OXR1: variants seen among roughly 807,000 people sequenced by gnomAD.
OXR1 encodes the protein oxidation resistance 1.
In OXR1, 41 loss-of-function variants were observed where a neutral mutation model predicts 104.6. That is an observed-to-expected ratio of 0.39 (90% CI 0.31 to 0.51). The LOEUF (loss-of-function observed/expected upper bound fraction) is 0.51, where lower values mean the gene tolerates loss of function less well. Ranked by LOEUF, OXR1 falls within the 20% of genes least tolerant of loss-of-function variation. The probability of loss-of-function intolerance (pLI) is 0.77; values close to 1 mark genes in which losing one functional copy is unlikely to be tolerated. For synonymous variants in OXR1, 348 were observed against 348.4 expected (o/e 1.00, Z 0.01); for missense variants, 955 against 1,031.9 (o/e 0.93, Z 1.02).
In OXR1 at chr8:106,395,181, A is replaced by G. The variant is rs186564839; in HGVS notation, c.23+35545A>G. Among the ~76,000 whole-genome samples the G allele has an allele frequency of 1.4e-3, 213 of 152,270 alleles. 2 individuals carry two copies. Among genetic ancestry groups the G allele is most frequent in the African/African-American group, 4.7e-3 (196 of 41,556 alleles). ...TTAGATCATGGGAGCCAGATTTATC[A>G]CTATCAGATAAAAGCTAAAATCACT... On this transcript the variant is annotated intron_variant, in intron 2 of 16. Coordinates refer to ENST00000517566, the MANE Select transcript of OXR1 (RefSeq NM_001198533.2).
intron 3 of OXR1, chr8:106,581,270 G>T: frequency 7.8e-7 from 1 of 1,281,822 alleles, no homozygotes; most frequent in Non-Finnish European, 1.0e-6. Context: ...CTGAAATCAT[G>T]CCTTTCTATT....
intron 2 of OXR1, among the ~76,000 whole-genome samples, chr8:106,446,916 G>T (rs1820033503): frequency 6.6e-6 from 1 of 152,108 alleles, no homozygotes; most frequent in African/African-American, 2.4e-5. Flanking sequence ...ACAGAGCAAG[G>T]CCTTGTCTCA....
At chr8:106,732,408 A>T (rs1833969123) in intron 11 of OXR1, among the ~76,000 whole-genome samples, 1 of 152,106 alleles carries the variant, frequency 6.6e-6, no homozygotes, top group Non-Finnish European at 1.5e-5. Context: ...ATTAGCTAGG[A>T]CTTCCTGCAT....
chr8:106,509,246 C>T (rs1454420394), intron 2 of OXR1, among the ~76,000 whole-genome samples: 1 of 152,168 alleles, frequency 6.6e-6, no homozygotes, highest in Non-Finnish European at 1.5e-5. Flanking sequence ...TTTGGATTTA[C>T]ATAATGTGTT....
chr8:106,523,335 A>G (rs998685619), intron 3 of OXR1, among the ~76,000 whole-genome samples: 4 of 152,118 alleles, frequency 2.6e-5, no homozygotes, highest in Admixed American at 2.0e-4. Context: ...TAAATTCCAG[A>G]CCCTGGAGTT....
At chr8:106,448,098 A>G in intron 2 of OXR1, 1 of 1,528,090 alleles carries the variant, frequency 6.5e-7, no homozygotes, top group Non-Finnish European at 8.8e-7. Context: ...TGTGTTATGA[A>G]GAAAACGTTT....
intron 1 of OXR1, among the ~76,000 whole-genome samples, chr8:106,325,140 A>AT (rs1293253560): frequency 6.6e-6 from 1 of 152,190 alleles, no homozygotes. Context: ...CTTGGGAAGA[A>AT]TTTTTTATTT....
At chr8:106,595,531 CA>C (rs1171114192) in intron 3 of OXR1, among the ~76,000 whole-genome samples, 3 of 91,932 alleles carry the variant, frequency 3.3e-5, no homozygotes, top group Non-Finnish European at 6.0e-5. Context: ...GCCTGGGCGA[CA>C]AGAGTGAAAC....
intron 1 of OXR1, among the ~76,000 whole-genome samples, chr8:106,299,469 G>A (rs16874312): frequency 0.22 from 33,389 of 151,892 alleles, 5,448 homozygotes; most frequent in African/African-American, 0.46. Context: ...AGTATTGGTG[G>A]GTGTTGAATG....
chr8:106,330,150 T>A (rs1814650422), intron 1 of OXR1, among the ~76,000 whole-genome samples: 1 of 152,192 alleles, frequency 6.6e-6, no homozygotes, highest in Admixed American at 6.5e-5. Context: ...CTGAACAGTA[T>A]AAAGTTAGTA....
In OXR1 at chr8:106,710,526, G is replaced by A. The variant is rs903469634; in HGVS notation, c.1625-96G>A. The A allele has an allele frequency of 3.1e-5, 22 of 708,392 alleles. No individual in the cohort carries two copies. The African/African-American group carries it at 4.1e-4, about 13-fold the overall frequency. The allele number at this position is 708,392 out of a possible 1,614,324, so 43.9% of individuals were successfully genotyped here. ...CACCACTAAAGTGAGGTTTTATTCTGTAACTATTTGTCAGAATTTTGAAGG... is the reference window on the plus strand; with the variant it reads ...CACCACTAAAGTGAGGTTTTATTCTATAACTATTTGTCAGAATTTTGAAGG... On this transcript the variant is annotated intron_variant, in intron 9 of 16. Coordinates refer to ENST00000517566, the MANE Select transcript of OXR1 (RefSeq NM_001198533.2).
At chr8:106,740,836 C>T (rs1834861216) in intron 14 of OXR1, among the ~76,000 whole-genome samples, 1 of 152,008 alleles carries the variant, frequency 6.6e-6, no homozygotes, top group Non-Finnish European at 1.5e-5. Flanking sequence ...TTGACAGAAT[C>T]TTGAATAATG....
intron 3 of OXR1, among the ~76,000 whole-genome samples, chr8:106,595,175 A>T (rs528447232): frequency 6.6e-6 from 1 of 152,330 alleles, no homozygotes; most frequent in African/African-American, 2.4e-5. Flanking sequence ...AGAAAGAAGC[A>T]TGCACAGAAC....
chr8:106,572,247 A>T (rs528797604), intron 3 of OXR1, among the ~76,000 whole-genome samples: 1 of 152,112 alleles, frequency 6.6e-6, no homozygotes, highest in African/African-American at 2.4e-5. Flanking sequence ...CATTTTACCT[A>T]GCTTCCATCC....
At chr8:106,477,080 A>G (rs1039357932) in intron 2 of OXR1, among the ~76,000 whole-genome samples, 4 of 151,980 alleles carry the variant, frequency 2.6e-5, no homozygotes, top group African/African-American at 9.7e-5. Context: ...TCTACAGTAC[A>G]TATCAAGCAA....
chr8:106,538,976 C>T lies in OXR1; in HGVS notation c.220+19837C>T, dbSNP rs548602410. On this transcript the variant is annotated intron_variant, in intron 3 of 16. Coordinates refer to ENST00000517566, the MANE Select transcript of OXR1 (RefSeq NM_001198533.2). ...ATTTCAGTGATATTCTATGGCTTGC[C>T]CAAGGTTGCCTACCTGTAAAGGGGT... Among the ~76,000 whole-genome samples the T allele has an allele frequency of 3.9e-5, 6 of 152,172 alleles. No homozygotes were observed. In the South Asian group the frequency reaches 1.2e-3, roughly 32 times the overall value.
intron 3 of OXR1, among the ~76,000 whole-genome samples, chr8:106,538,664 G>A (rs1814726821): frequency 6.6e-6 from 1 of 152,160 alleles, no homozygotes; most frequent in African/African-American, 2.4e-5. Context: ...TTAAATATCT[G>A]TATAGAAAGG....
chr8:106,290,877 C>T (rs1332207599), intron 1 of OXR1, among the ~76,000 whole-genome samples: 8 of 152,152 alleles, frequency 5.3e-5, no homozygotes, highest in Non-Finnish European at 4.4e-5. Context: ...TAGTGGGAAG[C>T]AGTTTGGAGA....
chr8:106,443,311 G>A (rs962092379), intron 2 of OXR1, among the ~76,000 whole-genome samples: 1 of 152,030 alleles, frequency 6.6e-6, no homozygotes, highest in Non-Finnish European at 1.5e-5. Context: ...TTTTGCTGAG[G>A]ATCATTTTAC....
Sources: allele counts gnomAD v4.1 joint callset (sites outside exome capture counted in the v4.1 genomes callset), GRCh38; gene constraint gnomAD v4.1.1; transcripts MANE v1.5; gene names NCBI Gene and HGNC (gene_info 2026-07-23, HGNC 2026-07-21).